MYO10: variants seen among roughly 807,000 people sequenced by gnomAD.
MYO10 encodes the protein unconventional myosin-X.
In MYO10, 133 loss-of-function variants were observed where a neutral mutation model predicts 257.3. That is an observed-to-expected ratio of 0.52 (90% CI 0.45 to 0.60). The LOEUF is 0.60. MYO10 is among the 20% of genes least tolerant of loss of function. The pLI, the probability that MYO10 is intolerant of heterozygous loss-of-function variation, is 0.00. For missense variants in MYO10, 2,399 were observed against 2,635.7 expected, an observed-to-expected ratio of 0.91 and a Z score of 1.97; for synonymous variants, 1,104 against 1,028.6, an observed-to-expected ratio of 1.07 and a Z score of -1.40.
chr5:16,817,368 T>G (rs966711346), intron 3 of MYO10, among the ~76,000 whole-genome samples: 2 of 152,218 alleles, frequency 1.3e-5, no homozygotes, highest in African/African-American at 4.8e-5. Context: ...TGACAGATAA[T>G]GCAGTATCTG....
intron 6 of MYO10, 74 bp from the exon 7 acceptor site, chr5:16,780,815 T>C: frequency 7.0e-7 from 1 of 1,426,274 alleles, no homozygotes. Flanking sequence ...TCTTTCATTT[T>C]CTATTCTTTG....
intron 19 of MYO10, among the ~76,000 whole-genome samples, chr5:16,712,040 TAA>T (rs1738643169): frequency 7.1e-6 from 1 of 140,610 alleles, no homozygotes. Context: ...AATTTGAATT[TAA>T]AGTCATTTTT....
intron 40 of MYO10, 136 bp downstream of exon 40, chr5:16,668,141 C>T (rs997285653): frequency 4.4e-6 from 4 of 901,522 alleles, no homozygotes; most frequent in Non-Finnish European, 6.6e-6. Context: ...GGAAAGGGAC[C>T]ACCACACTGT....
chr5:16,911,508 G>A (rs1745655576), intron 1 of MYO10, among the ~76,000 whole-genome samples: 1 of 151,944 alleles, frequency 6.6e-6, no homozygotes, highest in Admixed American at 6.6e-5. Context: ...GAGGCGGGGG[G>A]ATCCCTTGAG....
In MYO10 at chr5:16,694,504, C is replaced by T. The variant is rs1434873123; in HGVS notation, c.3667G>A (p.Gly1223Arg). The change falls in exon 27 of 41, where the codon GGG (glycine) becomes AGG (arginine). Residue 1223 changes from glycine (G) to arginine (R), a missense_variant. This residue lies in a region of MYO10 where 1,820 missense variants were observed against 1,939.4 expected (regional missense o/e 0.94). Transcript: ENST00000513610. ...ALKQGWLHKKGGGSSTLSRRN... is the reference protein window; with the variant it reads ...ALKQGWLHKKRGGSSTLSRRN... ...CTGGACAGCGTGGAGGAGCCCCCCC[C>T]TTTTTTGTGGAGCCAGCCTTGCTTG... The T allele has an allele frequency of 1.9e-6, 3 of 1,613,892 alleles. No homozygotes were observed.
At chr5:16,680,437 ACT>A (rs917474584) in intron 32 of MYO10, among the ~76,000 whole-genome samples, 2 of 151,270 alleles carry the variant, frequency 1.3e-5, no homozygotes, top group South Asian at 2.1e-4. Flanking sequence ...AGGAGTGAAA[ACT>A]CTCTCTGATT....
In MYO10 at chr5:16,676,128, C is replaced by T. The variant is rs755590326; in HGVS notation, c.4569G>A (p.Val1523=). 6.2e-7 allele frequency: 1 copy of T among 1,613,098 alleles called. No individual in the cohort carries two copies. The highest frequency in any genetic ancestry group is 8.5e-7 in the Non-Finnish European group (1 of 1,179,608). The change falls in exon 34 of 41, where the codon GTG becomes GTA. Residue 1523 remains valine, a synonymous_variant. Coordinates refer to ENST00000513610, the MANE Select transcript of MYO10 (RefSeq NM_012334.3). ...IKENCLNSDV[V]EQIYKRNPIL... is the part of the protein sequence containing the mutation. ...TCGGGTTCCGCTTGTAAATCTGTTC[C>T]ACCACATCCGAGTTCAGGCAGTTCT...
At chr5:16,775,214 T>C (rs1201388060) in intron 9 of MYO10, among the ~76,000 whole-genome samples, 2 of 152,218 alleles carry the variant, frequency 1.3e-5, no homozygotes, top group African/African-American at 4.8e-5. Flanking sequence ...GAAATGCCTA[T>C]GAAATTTAGC....
chr5:16,747,643 A>G (rs73755194), intron 19 of MYO10, among the ~76,000 whole-genome samples: 15,363 of 152,218 alleles, frequency 0.1, 2,620 homozygotes, highest in African/African-American at 0.35. Context: ...TAGAGGCTGG[A>G]CGCGGTGGCT....
At chr5:16,930,553 T>G (rs1221509669) in intron 1 of MYO10, among the ~76,000 whole-genome samples, 1 of 152,070 alleles carries the variant, frequency 6.6e-6, no homozygotes, top group Non-Finnish European at 1.5e-5. Context: ...AGCTCTAAGG[T>G]CGAGATTTCC....
At chr5:16,685,859 G>A in intron 28 of MYO10, 28 bp from the exon 29 acceptor site, 1 of 1,555,862 alleles carries the variant, frequency 6.4e-7, no homozygotes, top group Non-Finnish European at 8.7e-7. Context: ...CAACTGTCAA[G>A]GAGAGGCCAA....
At chr5:16,928,877 C>T (rs1046276466) in intron 1 of MYO10, among the ~76,000 whole-genome samples, 1 of 151,194 alleles carries the variant, frequency 6.6e-6, no homozygotes. Context: ...AACACACACA[C>T]ACATTTTTAG....
chr5:16,829,909 G>A (rs112657229), intron 2 of MYO10, among the ~76,000 whole-genome samples: 23 of 151,150 alleles, frequency 1.5e-4, no homozygotes, highest in African/African-American at 3.9e-4. Flanking sequence ...ACACGCACAC[G>A]CACACGCACA....
At chr5:16,669,229 T>G (rs1196984761) in intron 39 of MYO10, among the ~76,000 whole-genome samples, 1 of 152,050 alleles carries the variant, frequency 6.6e-6, no homozygotes, top group Non-Finnish European at 1.5e-5. Context: ...TTTCTTTTTT[T>G]TTTTGACGGA....
At chr5:16,772,941 G>A (rs962717280) in intron 9 of MYO10, among the ~76,000 whole-genome samples, 1 of 152,094 alleles carries the variant, frequency 6.6e-6, no homozygotes, top group Non-Finnish European at 1.5e-5. Context: ...GCCTGGGAAG[G>A]GGCACAGAGA....
intron 40 of MYO10, among the ~76,000 whole-genome samples, chr5:16,668,036 A>T (rs948731466): frequency 2.6e-5 from 4 of 151,990 alleles, no homozygotes; most frequent in Admixed American, 6.6e-5. Context: ...CAAGGGTAAG[A>T]CTCCTTGGCA....
intron 1 of MYO10, among the ~76,000 whole-genome samples, chr5:16,890,567 T>C (rs74343892): frequency 0.12 from 17,518 of 151,686 alleles, 1,936 homozygotes; most frequent in East Asian, 0.25. Context: ...AAGGTTGACG[T>C]GGTGGCTCAC....
At chr5:16,772,195 T>A (rs111765927) in intron 9 of MYO10, among the ~76,000 whole-genome samples, 1 of 151,850 alleles carries the variant, frequency 6.6e-6, no homozygotes, top group Non-Finnish European at 1.5e-5. Context: ...TGCAATGGCA[T>A]GATCTCGGCT....
intron 32 of MYO10, among the ~76,000 whole-genome samples, chr5:16,680,319 G>A (rs1736933694): frequency 6.6e-6 from 1 of 152,192 alleles, no homozygotes; most frequent in Non-Finnish European, 1.5e-5. Context: ...CTGAGATGGG[G>A]AGATGAGTAT....
Sources: allele counts gnomAD v4.1 joint callset (sites outside exome capture counted in the v4.1 genomes callset), GRCh38; gene constraint gnomAD v4.1.1; regional missense constraint gnomAD v4.1.1; transcripts MANE v1.5; gene names NCBI Gene and HGNC (gene_info 2026-07-23, HGNC 2026-07-21).